The following C9orf72 variants were observed in gnomAD, a reference collection of about 807,000 sequenced individuals.
The protein encoded by C9orf72 is C9orf72-SMCR8 complex subunit, also known as guanine nucleotide exchange factor C9orf72.
A neutral mutation model predicts 51.6 loss-of-function variants in C9orf72; 44 were observed. The ratio of observed to expected loss-of-function variants is 0.85; its 90% CI spans 0.67 to 1.10. C9orf72 has a LOEUF of 1.10. Ranked by LOEUF, C9orf72 falls within the 50% of genes least tolerant of loss-of-function variation. The pLI, the probability that C9orf72 is intolerant of heterozygous loss-of-function variation, is 0.00. For synonymous variants in C9orf72, 213 were observed against 194.2 expected, an observed-to-expected ratio of 1.10 and a Z score of -0.81; for missense variants, 607 against 570.6, an observed-to-expected ratio of 1.06 and a Z score of -0.65.
chr9:27,559,612 T>C (rs908763849), intron 6 of C9orf72: 1 of 152,160 alleles, frequency 6.6e-6, no homozygotes, highest in Non-Finnish European at 1.5e-5. Flanking sequence ...AATTGAAAGA[T>C]ACACATACTT....
intron 6 of C9orf72, chr9:27,559,575 C>CA (rs1554660562): frequency 6.6e-6 from 1 of 151,942 alleles, no homozygotes; most frequent in Non-Finnish European, 1.5e-5. Context: ...CTATGTAAAA[C>CA]TTTTTTTAAA....
Position 27,566,764 on chromosome 9 carries a change from T to C in C9orf72, c.357A>G (p.Thr119=). ...TYGLSIILPQ[T]ELSFYLPLHR... ...GAAGTGGGAGGTAGAAACTAAGTTC[T>C]GTCTGTGGAAGTATAATTGATAGTC... Residue 119 remains threonine, a synonymous_variant, in exon 2 of 11, where the codon ACA becomes ACG. Coordinates refer to ENST00000380003, the MANE Select transcript of C9orf72 (RefSeq NM_018325.5). The C allele has an allele frequency of 6.2e-7, 1 of 1,613,908 alleles. No individual in the cohort carries two copies. The highest frequency in any genetic ancestry group is 8.5e-7 in the Non-Finnish European group (1 of 1,179,794).
chr9:27,556,852 G>A, intron 7 of C9orf72, 56 bp from the exon 8 acceptor site: 2 of 1,173,146 alleles, frequency 1.7e-6, no homozygotes, highest in Non-Finnish European at 2.5e-6. Context: ...ATGAATAATT[G>A]TTTTTTAATT....
Position 27,547,950 on chromosome 9 carries a change from G to T in C9orf72, c.*286C>A. 1 of 208,854 alleles carries T rather than the reference G, an allele frequency of 4.8e-6. No homozygotes were observed. The highest frequency in any genetic ancestry group is 9.5e-6 in the Non-Finnish European group (1 of 105,672). 12.9% of individuals were successfully genotyped at this position (208,854 alleles called of 1,614,324 possible). ...TCAAAAAAACAGTAGTTGTGGTCAA[G>T]TTTACATCCTATTATTATATCTTTA... On this transcript the variant is annotated 3_prime_UTR_variant, in exon 11 of 11. Transcript: ENST00000380003.
In C9orf72 at chr9:27,558,594, A is replaced by C; in HGVS notation, c.752T>G (p.Leu251Ter). Residue 251 changes from leucine to a stop codon, truncating the protein, a stop_gained, in exon 7 of 11, where the codon TTA becomes TGA. Coordinates refer to ENST00000380003, the MANE Select transcript of C9orf72 (RefSeq NM_018325.5). LOFTEE classifies it high-confidence loss of function. ...CTCTGCTGGAGTCAGAAAAAGGCAT[A>C]ATGTTCTGACTATCTATAAAAGAAA... The part of the protein sequence containing the change: ...AEKVNKIVRT[L>*]CLFLTPAERK... 4 of 1,576,830 alleles carry C rather than the reference A, an allele frequency of 2.5e-6. No homozygotes were observed. The highest frequency in any genetic ancestry group is 2.6e-6 in the Non-Finnish European group (3 of 1,154,686).
rs180875218 is a variant in C9orf72 at position 27,565,050 on chromosome 9, A to T, written c.504+481T>A. Among the ~76,000 whole-genome samples the T allele has an allele frequency of 9.6e-3, 1,455 of 152,250 alleles. 10 individuals carry two copies. Among genetic ancestry groups the T allele is most frequent in the Middle Eastern group, 0.02 (6 of 294 alleles). ...ATCACTGACAAATTTTAATACTAAA[A>T]TAGTTATGGAATAAAATGTAAATTG... On this transcript the variant is annotated intron_variant, in intron 3 of 10. Transcript: ENST00000380003.
In C9orf72 at chr9:27,562,451, G is replaced by A. The variant is rs1819373852; in HGVS notation, c.530C>T (p.Thr177Ile). Residue 177 changes from threonine to isoleucine, a missense_variant, in exon 4 of 11, where the codon ACT (threonine) becomes ATT (isoleucine). Physicochemically the swap from Thr to Ile is moderately conservative, Grantham distance 89. Coordinates refer to ENST00000380003, the MANE Select transcript of C9orf72 (RefSeq NM_018325.5). ...DQGQSIIPML[T>I]GEVIPVMELL... is the part of the protein sequence containing the mutation. ...TTCCATTACAGGAATCACTTCTCCA[G>A]TAAGCATTGGAATAATACTCTGACC... is the stretch of plus-strand genomic sequence containing the variant. The A allele has an allele frequency of 1.3e-6, 2 of 1,590,044 alleles. No individual in the cohort carries two copies. Among genetic ancestry groups the A allele is most frequent in the Admixed American group, 1.8e-5 (1 of 57,140 alleles).
At chr9:27,558,360 T>G (rs1206088107) in intron 7 of C9orf72, 131 bp downstream of exon 7, 1 of 675,716 alleles carries the variant, frequency 1.5e-6, no homozygotes, top group African/African-American at 1.8e-5. Flanking sequence ...TGCAGAACTG[T>G]GTAAAGGAAG....
chr9:27,559,547 T>C (rs1486681808), intron 6 of C9orf72: 1 of 152,176 alleles, frequency 6.6e-6, no homozygotes, highest in East Asian at 1.9e-4. Context: ...TTGTAAAGTA[T>C]CATTTCCAAC....
chr9:27,568,318 T>C (rs774622132), intron 1 of C9orf72, among the ~76,000 whole-genome samples: 10 of 152,128 alleles, frequency 6.6e-5, no homozygotes, highest in Non-Finnish European at 1.2e-4. Flanking sequence ...CTACACTAAA[T>C]GGCTAGAATT....
rs535034043 is a variant in C9orf72, at chr9:27,552,114, C to CTCT, written c.1092-1410_1092-1408dup. On this transcript the variant is annotated intron_variant, in intron 8 of 10. Coordinates refer to ENST00000380003, the MANE Select transcript of C9orf72 (RefSeq NM_018325.5). The stretch of plus-strand genomic sequence containing the variant: ...GCAAACAGAAATAGTTTGACTTCTT[C>CTCT]TCTTCCTATCTGAATGTCTTTCTTT... Among the ~76,000 whole-genome samples, 153 of 152,314 alleles carry CTCT rather than the reference C, an allele frequency of 1.0e-3. 1 individual carries two copies. The highest frequency in any genetic ancestry group is 1.6e-3 in the Non-Finnish European group (110 of 68,030).
intron 4 of C9orf72, 119 bp from the exon 5 acceptor site, chr9:27,561,768 G>A (rs576985054): frequency 8.2e-5 from 49 of 598,246 alleles, no homozygotes; most frequent in Middle Eastern, 4.5e-4. Context: ...CTTCATTTCC[G>A]AGAATCAAGA....
chr9:27,567,552 CAA>C (rs1819497319), intron 1 of C9orf72, among the ~76,000 whole-genome samples: 1 of 152,102 alleles, frequency 6.6e-6, no homozygotes, highest in South Asian at 2.1e-4. Context: ...TAACCCATAG[CAA>C]CTAAAAAGGA....
At chr9:27,568,227 T>C (rs1264452068) in intron 1 of C9orf72, among the ~76,000 whole-genome samples, 1 of 152,038 alleles carries the variant, frequency 6.6e-6, no homozygotes, top group Non-Finnish European at 1.5e-5. Context: ...AAAACGACAT[T>C]GAAGTATCAA....
At chr9:27,567,931 T>C (rs1451159754) in intron 1 of C9orf72, among the ~76,000 whole-genome samples, 1 of 152,080 alleles carries the variant, frequency 6.6e-6, no homozygotes, top group African/African-American at 2.4e-5. Flanking sequence ...ATCATGCCCC[T>C]GTCAACACTT....
At chr9:27,568,743 G>C (rs547805608) in intron 1 of C9orf72, among the ~76,000 whole-genome samples, 48 of 152,122 alleles carry the variant, frequency 3.2e-4, no homozygotes, top group Non-Finnish European at 6.8e-4. Context: ...AATTATTACA[G>C]TGTACAACAC....
chr9:27,550,530 A>T, intron 9 of C9orf72, 120 bp downstream of exon 9: 1 of 565,128 alleles, frequency 1.8e-6, no homozygotes, highest in Non-Finnish European at 3.1e-6. Context: ...GCAATTGCTG[A>T]GCAGAACTCT....
At chr9:27,572,215 A>G (rs1468684123) in intron 1 of C9orf72, among the ~76,000 whole-genome samples, 1 of 152,192 alleles carries the variant, frequency 6.6e-6, no homozygotes, top group Non-Finnish European at 1.5e-5. Flanking sequence ...GGAATGTGGT[A>G]ATTACTCTCG....
chr9:27,565,874 A>T (rs1819456505), intron 2 of C9orf72, among the ~76,000 whole-genome samples: 2 of 152,166 alleles, frequency 1.3e-5, no homozygotes, highest in African/African-American at 4.8e-5. Context: ...GAAAAGAATG[A>T]CTTGCACTTT....
Sources: allele counts gnomAD v4.1 joint callset (sites outside exome capture counted in the v4.1 genomes callset), GRCh38; gene constraint gnomAD v4.1.1; transcripts MANE v1.5; gene names NCBI Gene and HGNC (gene_info 2026-07-23, HGNC 2026-07-21).